Variants in SMARCC1 observed in about 807,000 individuals in gnomAD.
SMARCC1 encodes SWI/SNF complex subunit SMARCC1.
SMARCC1 carries 43 observed loss-of-function variants against 147.4 expected under a neutral mutation model. The observed-to-expected ratio is 0.29, with a 90% CI of 0.23 to 0.38. The LOEUF is 0.38. Among genes scored for constraint, SMARCC1 ranks in the 10% least tolerant of loss-of-function variants. The pLI, the probability that SMARCC1 is intolerant of heterozygous loss-of-function variation, is 1.00. For missense variants in SMARCC1, 1,119 were observed against 1,381.1 expected (o/e 0.81, Z 3.01); for synonymous variants, 495 against 484.4 (o/e 1.02, Z -0.29).
At chr3:47,751,249 T>C (rs1396761061) in intron 2 of SMARCC1, among the ~76,000 whole-genome samples, 1 of 151,790 alleles carries the variant, frequency 6.6e-6, no homozygotes, top group Admixed American at 6.6e-5. Flanking sequence ...GAGAATGAAG[T>C]AGAAAACAGA....
chr3:47,597,476 G>A (rs1279593326), intron 26 of SMARCC1, among the ~76,000 whole-genome samples: 5 of 151,954 alleles, frequency 3.3e-5, no homozygotes, highest in African/African-American at 4.8e-5. Context: ...ACAGGCACCC[G>A]CCACCACGCC....
At chr3:47,773,732 C>A (rs1281618962) in intron 1 of SMARCC1, among the ~76,000 whole-genome samples, 2 of 151,932 alleles carry the variant, frequency 1.3e-5, no homozygotes, top group Non-Finnish European at 2.9e-5. Context: ...AGAGTTCAAG[C>A]GATTCTCCTC....
At chr3:47,672,496 G>A (rs934187238) in intron 18 of SMARCC1, among the ~76,000 whole-genome samples, 5 of 152,066 alleles carry the variant, frequency 3.3e-5, no homozygotes, top group East Asian at 3.8e-4. Context: ...GTGAGCCACC[G>A]CGTCCAGCCC....
intron 26 of SMARCC1, among the ~76,000 whole-genome samples, chr3:47,601,558 C>T (rs1308338594): frequency 6.6e-6 from 1 of 152,056 alleles, no homozygotes; most frequent in African/African-American, 2.4e-5. Context: ...GAAGACTGGG[C>T]CCTCACTGTT....
chr3:47,764,413 G>A (rs1321782503), intron 2 of SMARCC1, among the ~76,000 whole-genome samples: 4 of 151,858 alleles, frequency 2.6e-5, no homozygotes, highest in Non-Finnish European at 5.9e-5. Context: ...AGAGAAAGAT[G>A]AAAAAAGTAA....
Position 47,715,187 on chromosome 3 carries a change from C to T in SMARCC1, c.717-697G>A, listed in dbSNP as rs140431721. ...ATTCATTCCTATAACTCCAAATATACGCTGATGACTTCAAATTTTATATCA... is the reference window on the plus strand; with the variant it reads ...ATTCATTCCTATAACTCCAAATATATGCTGATGACTTCAAATTTTATATCA... On this transcript the variant is annotated intron_variant, in intron 7 of 27. Transcript: ENST00000254480. Among the ~76,000 whole-genome samples the T allele has an allele frequency of 6.9e-3, 1,056 of 152,266 alleles. 10 individuals are homozygous for T. The highest frequency in any genetic ancestry group is 0.016 in the Admixed American group (239 of 15,288).
chr3:47,596,592 T>TAAGAAG (rs922857996), intron 26 of SMARCC1, among the ~76,000 whole-genome samples: 1 of 150,302 alleles, frequency 6.7e-6, no homozygotes, highest in Non-Finnish European at 1.5e-5. Context: ...AATAAATAAA[T>TAAGAAG]AAGAAGAAGA....
At chr3:47,620,901 C>T (rs1456678676) in intron 25 of SMARCC1, among the ~76,000 whole-genome samples, 1 of 152,200 alleles carries the variant, frequency 6.6e-6, no homozygotes, top group Non-Finnish European at 1.5e-5. Flanking sequence ...TAAGACTGTA[C>T]ATTAGTTCAG....
At chr3:47,769,538 T>C (rs1171302050) in intron 2 of SMARCC1, among the ~76,000 whole-genome samples, 1 of 151,888 alleles carries the variant, frequency 6.6e-6, no homozygotes, top group South Asian at 2.1e-4. Flanking sequence ...ACCATAACAC[T>C]TTTATGTGTT....
intron 11 of SMARCC1, among the ~76,000 whole-genome samples, chr3:47,697,894 G>A (rs1160855214): frequency 6.6e-5 from 10 of 150,964 alleles, no homozygotes; most frequent in African/African-American, 2.4e-4. Context: ...TGTATTCCCA[G>A]CTACTCAGGA....
At chr3:47,611,095 G>T (rs1403518642) in intron 25 of SMARCC1, among the ~76,000 whole-genome samples, 1 of 152,222 alleles carries the variant, frequency 6.6e-6, no homozygotes, top group Non-Finnish European at 1.5e-5. Context: ...TTCAGAGAAT[G>T]AAGCCTATCC....
At chr3:47,749,262 C>T (rs1457706580) in intron 2 of SMARCC1, among the ~76,000 whole-genome samples, 1 of 152,012 alleles carries the variant, frequency 6.6e-6, no homozygotes. Flanking sequence ...TGATGTCATG[C>T]CACTGTAACA....
intron 26 of SMARCC1, among the ~76,000 whole-genome samples, chr3:47,607,708 C>A (rs1048316685): frequency 2.0e-5 from 3 of 152,034 alleles, no homozygotes; most frequent in African/African-American, 7.3e-5. Flanking sequence ...AAACAATAGC[C>A]AACTCGAAAC....
intron 2 of SMARCC1, among the ~76,000 whole-genome samples, chr3:47,749,725 A>ACACACACACACAAAGT (rs2034606108): frequency 8.7e-5 from 9 of 103,774 alleles, no homozygotes; most frequent in East Asian, 6.2e-4. Flanking sequence ...ACACACACAC[A>ACACACACACACAAAGT]GAGAAAGAGA....
intron 26 of SMARCC1, among the ~76,000 whole-genome samples, chr3:47,597,551 T>C (rs546073700): frequency 2.3e-3 from 350 of 152,050 alleles, no homozygotes; most frequent in Non-Finnish European, 3.8e-3. Flanking sequence ...TGGTCTCGAT[T>C]TCCTGACCTC....
intron 6 of SMARCC1, among the ~76,000 whole-genome samples, chr3:47,721,901 T>A (rs1576421949): frequency 1.3e-5 from 2 of 152,110 alleles, no homozygotes; most frequent in East Asian, 3.9e-4. Flanking sequence ...GCATCTATAC[T>A]CCCAGCTACT....
chr3:47,680,354 G>A, intron 15 of SMARCC1, 83 bp downstream of exon 15: 2 of 884,362 alleles, frequency 2.3e-6, no homozygotes, highest in East Asian at 2.4e-5. Context: ...CCAAGAATCA[G>A]CAATAAGGAA....
At chr3:47,647,900 T>C (rs959061704) in intron 21 of SMARCC1, among the ~76,000 whole-genome samples, 2 of 152,238 alleles carry the variant, frequency 1.3e-5, no homozygotes, top group African/African-American at 4.8e-5. Context: ...TATTTCCCAT[T>C]CTCTGAATAA....
At chr3:47,694,870 T>C (rs2033829168) in intron 11 of SMARCC1, among the ~76,000 whole-genome samples, 1 of 152,258 alleles carries the variant, frequency 6.6e-6, no homozygotes, top group African/African-American at 2.4e-5. Context: ...GTAAATACTA[T>C]GTAATTTAGT....
Sources: allele counts gnomAD v4.1 joint callset (sites outside exome capture counted in the v4.1 genomes callset), GRCh38; gene constraint gnomAD v4.1.1; transcripts MANE v1.5; gene names NCBI Gene and HGNC (gene_info 2026-07-23, HGNC 2026-07-21).